The following ADGRL2 variants were observed in gnomAD, a reference collection of about 807,000 sequenced individuals.
ADGRL2 encodes adhesion G protein-coupled receptor L2.
In ADGRL2, 44 loss-of-function variants were observed where a neutral mutation model predicts 157.4. That is an observed-to-expected ratio of 0.28 (90% CI 0.22 to 0.36). The LOEUF is 0.36. ADGRL2 is among the 10% of genes least tolerant of loss of function. The pLI is 1.00. For missense variants in ADGRL2, 1,510 were observed against 1,768.9 expected (o/e 0.85, Z 2.63); for synonymous variants, 585 against 624.7 (o/e 0.94, Z 0.95).
chr1:81,763,635 A>T (rs1399315163), intron 2 of ADGRL2, among the ~76,000 whole-genome samples: 1 of 151,172 alleles, frequency 6.6e-6, no homozygotes, highest in Admixed American at 6.6e-5. Flanking sequence ...CTGTAATCCC[A>T]GCACTTTGGG....
At chr1:81,869,579 A>G (rs1275697330) in intron 2 of ADGRL2, among the ~76,000 whole-genome samples, 3 of 152,088 alleles carry the variant, frequency 2.0e-5, no homozygotes, top group South Asian at 2.1e-4. Flanking sequence ...AAGTACTAAT[A>G]TATGTGTATA....
At chr1:81,348,666 A>T (rs1203294692) in intron 1 of ADGRL2, among the ~76,000 whole-genome samples, 1 of 152,176 alleles carries the variant, frequency 6.6e-6, no homozygotes, top group East Asian at 1.9e-4. Flanking sequence ...CAACAAAGAA[A>T]GGTCTAACAA....
intron 1 of ADGRL2, among the ~76,000 whole-genome samples, chr1:81,351,656 T>C (rs1457218922): frequency 6.6e-6 from 1 of 152,094 alleles, no homozygotes; most frequent in Admixed American, 6.5e-5. Context: ...CCAGCAAGTA[T>C]GTGGAAGGAG....
chr1:81,960,700 C>A (rs773850599), intron 11 of ADGRL2, among the ~76,000 whole-genome samples: 65 of 152,158 alleles, frequency 4.3e-4, no homozygotes, highest in Non-Finnish European at 8.1e-4. Flanking sequence ...GTCTTGAATT[C>A]CTGATCAGGT....
intron 1 of ADGRL2, among the ~76,000 whole-genome samples, chr1:81,327,918 C>T (rs1362528355): frequency 1.3e-5 from 2 of 152,134 alleles, no homozygotes; most frequent in Non-Finnish European, 2.9e-5. Context: ...TCTTGCTCTG[C>T]GTTAGATTTG....
chr1:81,344,926 A>G (rs942543880), intron 1 of ADGRL2, among the ~76,000 whole-genome samples: 4 of 152,182 alleles, frequency 2.6e-5, no homozygotes, highest in Non-Finnish European at 4.4e-5. Flanking sequence ...GTATTCATTC[A>G]TCAATAATAA....
chr1:81,451,404 T>G (rs921734301), intron 2 of ADGRL2, among the ~76,000 whole-genome samples: 1 of 152,188 alleles, frequency 6.6e-6, no homozygotes, highest in African/African-American at 2.4e-5. Context: ...TGTAGAAAAT[T>G]TGTAAATATC....
At chr1:81,618,493 A>G (rs571275358) in intron 3 of ADGRL2, among the ~76,000 whole-genome samples, 2 of 152,370 alleles carry the variant, frequency 1.3e-5, no homozygotes, top group South Asian at 2.1e-4. Flanking sequence ...AAAGGGGACC[A>G]TATTTTTATG....
intron 2 of ADGRL2, among the ~76,000 whole-genome samples, chr1:81,554,945 T>C (rs968694725): frequency 3.9e-5 from 6 of 151,930 alleles, no homozygotes; most frequent in Non-Finnish European, 8.8e-5. Flanking sequence ...TGCAAAGCAC[T>C]AGCCTTCAAG....
chr1:81,660,560 A>G (rs1241307704), intron 3 of ADGRL2, among the ~76,000 whole-genome samples: 2 of 152,194 alleles, frequency 1.3e-5, no homozygotes, highest in African/African-American at 4.8e-5. Flanking sequence ...TCTCCCTGTG[A>G]CACAGTAGAA....
chr1:81,866,969 A>G (rs2093559515), intron 2 of ADGRL2, among the ~76,000 whole-genome samples: 1 of 152,188 alleles, frequency 6.6e-6, no homozygotes, highest in African/African-American at 2.4e-5. Flanking sequence ...GTGAGCTCAA[A>G]GCACAGAATT....
At chr1:81,499,783 T>C (rs1048995242) in intron 2 of ADGRL2, among the ~76,000 whole-genome samples, 3 of 152,222 alleles carry the variant, frequency 2.0e-5, no homozygotes, top group Non-Finnish European at 4.4e-5. Context: ...TTACCTGTTT[T>C]AGTAATTCAG....
chr1:81,679,680 T>G (rs1446418094), intron 3 of ADGRL2, among the ~76,000 whole-genome samples: 1 of 152,204 alleles, frequency 6.6e-6, no homozygotes, highest in Non-Finnish European at 1.5e-5. Context: ...TTTCTCCTTT[T>G]TCTATTTATC....
chr1:81,905,517 T>C (rs2094567909), intron 2 of ADGRL2, among the ~76,000 whole-genome samples: 1 of 152,112 alleles, frequency 6.6e-6, no homozygotes, highest in Non-Finnish European at 1.5e-5. Context: ...CAGAGGAAAA[T>C]TCACTTAGAA....
intron 18 of ADGRL2, 108 bp from the exon 19 acceptor site, chr1:81,981,699 AT>A: frequency 1.2e-6 from 1 of 857,460 alleles, no homozygotes; most frequent in South Asian, 1.7e-5. Flanking sequence ...TTGAATATGA[AT>A]GTGAACATAG....
intron 3 of ADGRL2, among the ~76,000 whole-genome samples, chr1:81,617,184 C>T (rs2148695315): frequency 6.6e-6 from 1 of 152,354 alleles, no homozygotes; most frequent in Non-Finnish European, 1.5e-5. Flanking sequence ...TGAGCTCCAC[C>T]TCCTGTCAGA....
chr1:81,749,249 T>C (rs1035083657), intron 1 of ADGRL2, among the ~76,000 whole-genome samples: 1 of 152,146 alleles, frequency 6.6e-6, no homozygotes, highest in Non-Finnish European at 1.5e-5. Flanking sequence ...AAGAGTTTGC[T>C]ACATATTTGG....
At position 81,943,002 on chromosome 1, in the gene ADGRL2, T is replaced by C; in HGVS notation, c.443T>C (p.Val148Ala). The C allele has an allele frequency of 6.2e-7, 1 of 1,613,046 alleles. No homozygotes were observed. Among genetic ancestry groups the C allele is most frequent in the Non-Finnish European group, 8.5e-7 (1 of 1,179,264 alleles). ...TGTCCTGGGACCTTGAAAGCAATTG[T>C]GGACTCACCATGTATATATGAAGCT... is the stretch of plus-strand genomic sequence containing the variant. ...FVCPGTLKAI[V>A]DSPCIYEAEQ... Residue 148 changes from valine to alanine, a missense_variant, in exon 6 of 24, where the codon GTG becomes GCG. By Grantham distance (64) the Val-to-Ala change is moderately conservative (BLOSUM62 0). Coordinates refer to ENST00000686636, the MANE Select transcript of ADGRL2 (RefSeq NM_001366006.2). This position sits in a 1 kb window ranked among gnomAD's most constrained non-coding sequence, Gnocchi z 5.6.
chr1:81,721,659 G>A, intron 1 of ADGRL2: 1 of 967,140 alleles, frequency 1.0e-6, no homozygotes, highest in South Asian at 1.3e-5. Context: ...GAACCGGGCT[G>A]CAGCTCTTCA....
Sources: allele counts gnomAD v4.1 joint callset (sites outside exome capture counted in the v4.1 genomes callset), GRCh38; gene constraint gnomAD v4.1.1; non-coding constraint Gnocchi (gnomAD v3.1); transcripts MANE v1.5; gene names NCBI Gene and HGNC (gene_info 2026-07-23, HGNC 2026-07-21).